The following ZZEF1 variants were observed in gnomAD, a reference collection of about 807,000 sequenced individuals.
The protein encoded by ZZEF1 is zinc finger ZZ-type and EF-hand domain-containing protein 1.
In ZZEF1, 157 loss-of-function variants were observed where a neutral mutation model predicts 342.8. That is an observed-to-expected ratio of 0.46 (90% CI 0.40 to 0.52). The LOEUF (loss-of-function observed/expected upper bound fraction) is 0.52, where lower values mean the gene tolerates loss of function less well. Ranked by LOEUF, ZZEF1 falls within the 20% of genes least tolerant of loss-of-function variation. ZZEF1 has a pLI of 0.00. For synonymous variants in ZZEF1, 1,505 were observed against 1,429.1 expected (o/e 1.05, Z -1.20); for missense variants, 3,480 against 3,725.6 (o/e 0.93, Z 1.72).
At chr17:4,131,740 C>T (rs1281755563) in intron 1 of ZZEF1, among the ~76,000 whole-genome samples, 1 of 151,994 alleles carries the variant, frequency 6.6e-6, no homozygotes, top group Non-Finnish European at 1.5e-5. Context: ...GATTGCACCA[C>T]TGTACTCCAG....
chr17:4,024,870 T>C (rs1166454640), intron 43 of ZZEF1, 49 bp downstream of exon 43: 1 of 1,546,302 alleles, frequency 6.5e-7, no homozygotes. Flanking sequence ...CCCATGCAGA[T>C]GTCAAATTAT....
chr17:4,035,704 G>A (rs948522438), intron 39 of ZZEF1, among the ~76,000 whole-genome samples: 1 of 152,222 alleles, frequency 6.6e-6, no homozygotes, highest in Non-Finnish European at 1.5e-5. Flanking sequence ...GGGGCTCAGA[G>A]TCCAAACAGC....
intron 18 of ZZEF1, among the ~76,000 whole-genome samples, chr17:4,080,617 C>T (rs1260924929): frequency 1.3e-5 from 2 of 152,100 alleles, no homozygotes; most frequent in African/African-American, 4.8e-5. Flanking sequence ...CTTGAACTCC[C>T]GACCTCAGGT....
intron 1 of ZZEF1, among the ~76,000 whole-genome samples, chr17:4,125,737 A>T (rs1050912220): frequency 1.3e-5 from 2 of 152,222 alleles, no homozygotes; most frequent in Non-Finnish European, 2.9e-5. Context: ...GACAGAAACC[A>T]TGACAGAAAG....
chr17:4,021,329 A>G lies in ZZEF1; in HGVS notation c.7213-9T>C. On this transcript the variant is annotated splice_polypyrimidine_tract_variant and intron_variant, in intron 44 of 54. Transcript: ENST00000381638. ...AGCATGATGGACAAAATCTACACAG[A>G]AAGAAAATCCAGCTGAATGTGAGCA... is the stretch of plus-strand genomic sequence containing the variant. The G allele has an allele frequency of 2.5e-6, 4 of 1,589,774 alleles. No individual in the cohort carries two copies. The South Asian group carries it at 4.5e-5, about 18-fold the overall frequency.
In ZZEF1 at chr17:4,095,849, C is replaced by T. The variant is rs1305993778; in HGVS notation, c.1895G>A (p.Arg632Lys). 3.1e-6 allele frequency: 5 copies of T among 1,608,648 alleles called. No homozygotes were observed. The African/African-American group carries it at 6.7e-5, about 22-fold the overall frequency. The change falls in exon 11 of 55, where the codon AGG becomes AAG. Residue 632 changes from arginine (R) to lysine (K), a missense_variant. By Grantham distance (26) the Arg-to-Lys change is conservative. Around this residue, in one of 5 missense-constraint regions of ZZEF1, gnomAD observed 1,528 missense variants for 1,624.1 expected, o/e 0.94. Transcript: ENST00000381638. ...TTCTTACCTGCTTTTTACAAATTGC[C>T]TGAGCTCCTGAAGCTTCCATTTGTC... ...KYDKWKLQEL[R>K]QFVKSRIGCS...
At chr17:4,011,617 G>A (rs772954128) in intron 52 of ZZEF1, among the ~76,000 whole-genome samples, 14 of 151,774 alleles carry the variant, frequency 9.2e-5, no homozygotes, top group Middle Eastern at 6.8e-3. Flanking sequence ...ATATCCTTTG[G>A]AGAAGAAAAA....
intron 41 of ZZEF1, 84 bp downstream of exon 41, chr17:4,032,740 CTATA>C: frequency 1.4e-6 from 2 of 1,393,976 alleles, no homozygotes; most frequent in Non-Finnish European, 2.0e-6. Context: ...AGATCTATGC[CTATA>C]TATCCGGAAG....
chr17:4,136,882 A>G (rs1055184866), intron 1 of ZZEF1, among the ~76,000 whole-genome samples: 3 of 151,720 alleles, frequency 2.0e-5, no homozygotes, highest in African/African-American at 7.3e-5. Flanking sequence ...CAGCCTCTCA[A>G]GCCTTGTTGT....
chr17:4,082,431 G>C lies in ZZEF1; in HGVS notation c.2714+6C>G. 1 of 1,613,870 alleles carries C rather than the reference G, an allele frequency of 6.2e-7. No individual in the cohort carries two copies. Among genetic ancestry groups the C allele is most frequent in the South Asian group, 1.1e-5 (1 of 91,062 alleles). On this transcript the variant is annotated splice_donor_region_variant and intron_variant, in intron 17 of 54. Transcript: ENST00000381638. ...ATCCGACAATTAAAAAGAACGATCA[G>C]CTTACCTAAAATACGTGCACAGTGA... is the stretch of plus-strand genomic sequence containing the variant.
In ZZEF1 at chr17:4,016,306, G is replaced by A. The variant is rs758986514; in HGVS notation, c.8145+17C>T. Reference sequence around the variant, plus strand: ...CGGCTCAGTCGCTCTTATGGGGCCTGCCGGCCCCAGGCTTACCTCGAAGTT... The same window carrying A: ...CGGCTCAGTCGCTCTTATGGGGCCTACCGGCCCCAGGCTTACCTCGAAGTT... On this transcript the variant is annotated intron_variant, in intron 49 of 54. Transcript: ENST00000381638. The surrounding 1 kb of genome is among the most constrained non-coding windows in gnomAD (Gnocchi z 4.4). 24 of 1,606,388 alleles carry A rather than the reference G, an allele frequency of 1.5e-5. No homozygotes were observed. Among genetic ancestry groups the A allele is most frequent in the Middle Eastern group, 1.7e-4 (1 of 6,002 alleles).
intron 5 of ZZEF1, among the ~76,000 whole-genome samples, chr17:4,112,064 A>G (rs1179058282): frequency 1.3e-4 from 6 of 47,986 alleles, no homozygotes; most frequent in African/African-American, 1.0e-4. Flanking sequence ...ATATATATAT[A>G]TATATATATA....
rs546060338 is a variant in ZZEF1, at chr17:4,119,924, T to C, written c.500-2758A>G. Among the ~76,000 whole-genome samples, 3 of 152,290 alleles carry C rather than the reference T, an allele frequency of 2.0e-5. No individual in the cohort carries two copies. In the South Asian group the frequency reaches 6.2e-4, roughly 32 times the overall value. ...CAAGTGCATTTATTCTGCACAACTC[T>C]CTTAACAGTTCACACCAAGGACTAA... On this transcript the variant is annotated intron_variant, in intron 2 of 54. Transcript: ENST00000381638.
At chr17:4,059,706 T>C (rs2057244874) in intron 30 of ZZEF1, among the ~76,000 whole-genome samples, 1 of 152,242 alleles carries the variant, frequency 6.6e-6, no homozygotes, top group Non-Finnish European at 1.5e-5. Flanking sequence ...CCTGGCCATC[T>C]TGGTGACTTC....
Position 4,014,650 on chromosome 17 carries a change from G to T in ZZEF1, c.8146-135C>A. 1.1e-6 allele frequency: 1 copy of T among 894,196 alleles called. No individual in the cohort carries two copies. The highest frequency in any genetic ancestry group is 1.8e-6 in the Non-Finnish European group (1 of 563,652). The allele number at this position is 894,196 out of a possible 1,614,324, so 55.4% of individuals were successfully genotyped here. A position where few individuals can be genotyped will look rare whatever the true frequency, so the allele number is the denominator to read the frequency against. On this transcript the variant is annotated intron_variant, in intron 49 of 54. Transcript: ENST00000381638. The surrounding 1 kb of genome is among the most constrained non-coding windows in gnomAD (Gnocchi z 4.4). ...AACCACAGCCCTGGCCTCCAGGAGT[G>T]CAGAGTCCAGCTAGGGCGAGGAGCA... is the stretch of plus-strand genomic sequence containing the variant.
At chr17:4,105,499 C>T (rs949386456) in intron 7 of ZZEF1, among the ~76,000 whole-genome samples, 194 bp downstream of exon 7, 1 of 152,222 alleles carries the variant, frequency 6.6e-6, no homozygotes, top group Non-Finnish European at 1.5e-5. Context: ...CTTCCCAATT[C>T]TTCAGGTCAG....
In ZZEF1 at chr17:4,021,178, T is replaced by A; in HGVS notation, c.7355A>T (p.Lys2452Met). ...ATCCAGGCCCTCAAGGGGGTCCAGC[T>A]TTTTCTGCTCTGGGTCGCCAGGGCT... The part of the protein sequence containing the change: ...VSSPGDPEQK[K>M]LDPLEGLDEP... Residue 2452 changes from lysine to methionine, a missense_variant, in exon 45 of 55, where the codon AAG (lysine) becomes ATG (methionine). Around this residue, in one of 5 missense-constraint regions of ZZEF1, gnomAD observed 1,269 missense variants for 1,342.4 expected, o/e 0.95. Transcript: ENST00000381638. The A allele has an allele frequency of 6.2e-7, 1 of 1,614,056 alleles. No individual in the cohort carries two copies. The highest frequency in any genetic ancestry group is 8.5e-7 in the Non-Finnish European group (1 of 1,179,960).
At chr17:4,070,574 A>G (rs377366346) in intron 26 of ZZEF1, 110 bp downstream of exon 26, 2 of 1,271,214 alleles carry the variant, frequency 1.6e-6, no homozygotes, top group Non-Finnish European at 2.1e-6. Context: ...GTTTACAGTT[A>G]TAGAAATGTG....
chr17:4,116,137 C>G (rs535610875), intron 3 of ZZEF1, among the ~76,000 whole-genome samples: 2 of 152,060 alleles, frequency 1.3e-5, no homozygotes, highest in Non-Finnish European at 2.9e-5. Flanking sequence ...CTGACCAACA[C>G]GGTGAAACCT....
Sources: allele counts gnomAD v4.1 joint callset (sites outside exome capture counted in the v4.1 genomes callset), GRCh38; gene constraint gnomAD v4.1.1; regional missense constraint gnomAD v4.1.1; non-coding constraint Gnocchi (gnomAD v3.1); transcripts MANE v1.5; gene names NCBI Gene and HGNC (gene_info 2026-07-23, HGNC 2026-07-21).